The following BRIP1 variants were observed in gnomAD, a reference collection of about 807,000 sequenced individuals.
BRIP1 encodes Fanconi anemia group J protein.
A neutral mutation model predicts 119.7 loss-of-function variants in BRIP1; 88 were observed. That is an observed-to-expected ratio of 0.74 (90% CI 0.62 to 0.88). The LOEUF (loss-of-function observed/expected upper bound fraction) is 0.88. Among genes scored for constraint, BRIP1 ranks in the 40% least tolerant of loss-of-function variants. BRIP1 has a pLI of 0.00. For synonymous variants in BRIP1, 443 were observed against 496.5 expected (o/e 0.89, Z 1.43); for missense variants, 1,259 against 1,455.4 (o/e 0.87, Z 2.20).
rs1409476369 is a variant in BRIP1, at chr17:61,752,187, C to T, written c.2098-7596G>A. Among the ~76,000 whole-genome samples the T allele has an allele frequency of 6.6e-6, 1 of 152,098 alleles. No homozygotes were observed. Among genetic ancestry groups the T allele is most frequent in the South Asian group, 2.1e-4 (1 of 4,820 alleles). ...TTAGTTTTGTAGACTTATATACACA[C>T]ATATTTCACAAATATAAAATATAAA... On this transcript the variant is annotated intron_variant, in intron 14 of 19. Coordinates refer to ENST00000259008, the MANE Select transcript of BRIP1 (RefSeq NM_032043.3). This position sits in a 1 kb window ranked among gnomAD's most constrained non-coding sequence, Gnocchi z 6.2.
At chr17:61,786,818 A>G (rs2077718366) in intron 10 of BRIP1, among the ~76,000 whole-genome samples, 3 of 129,420 alleles carry the variant, frequency 2.3e-5, no homozygotes, top group Admixed American at 9.0e-5. Context: ...TATATTTTAT[A>G]TAAATATATT....
intron 17 of BRIP1, among the ~76,000 whole-genome samples, chr17:61,711,137 A>T (rs2061767140): frequency 6.6e-6 from 1 of 152,106 alleles, no homozygotes; most frequent in Non-Finnish European, 1.5e-5. Flanking sequence ...ACTGGAAGTG[A>T]TTGGTAGAAG....
intron 6 of BRIP1, among the ~76,000 whole-genome samples, chr17:61,821,413 T>C (rs780825946): frequency 5.9e-5 from 9 of 152,202 alleles, no homozygotes; most frequent in Admixed American, 1.3e-4. Flanking sequence ...TTTTTCTTTT[T>C]GATTCAGTTT....
In BRIP1 at chr17:61,700,792, C is replaced by T. The variant is rs114281513; in HGVS notation, c.2493-7280G>A. On this transcript the variant is annotated intron_variant, in intron 17 of 19. Transcript: ENST00000259008. This position sits in a 1 kb window ranked among gnomAD's most constrained non-coding sequence, Gnocchi z 4.1. ...GACTCCAAATATGCATATGTTGGTA[C>T]GCTTGATGAGGTTTTACAGGTCTCT... Among the ~76,000 whole-genome samples, 721 of 152,136 alleles carry T rather than the reference C, an allele frequency of 4.7e-3. 6 individuals are homozygous for T. Among genetic ancestry groups the T allele is most frequent in the African/African-American group, 0.016 (680 of 41,498 alleles).
intron 6 of BRIP1, among the ~76,000 whole-genome samples, chr17:61,813,626 T>G (rs963378675): frequency 1.3e-5 from 2 of 152,114 alleles, no homozygotes; most frequent in African/African-American, 2.4e-5. Context: ...AGAAAAACCA[T>G]CTTATGCTAG....
At position 61,703,439 on chromosome 17, in the gene BRIP1, G is replaced by A. The variant is rs571696749; in HGVS notation, c.2493-9927C>T. Among the ~76,000 whole-genome samples the A allele has an allele frequency of 6.6e-6, 1 of 152,180 alleles. No individual in the cohort carries two copies. Among genetic ancestry groups the A allele is most frequent in the Non-Finnish European group, 1.5e-5 (1 of 68,034 alleles). On this transcript the variant is annotated intron_variant, in intron 17 of 19. Transcript: ENST00000259008. This position sits in a 1 kb window ranked among gnomAD's most constrained non-coding sequence, Gnocchi z 5.0. ...TCATATGCTTCTTGGCCACATGCAT[G>A]TCTCCTTTTGAGAAATGTCTGTTCA...
chr17:61,808,546 TC>T lies in BRIP1; in HGVS notation c.838del (p.Asp280IlefsTer9). The T allele has an allele frequency of 6.2e-7, 1 of 1,613,612 alleles. No homozygotes were observed. Among genetic ancestry groups the T allele is most frequent in the South Asian group, 1.1e-5 (1 of 91,076 alleles). On this transcript the variant is annotated frameshift_variant, in exon 7 of 20. Coordinates refer to ENST00000259008, the MANE Select transcript of BRIP1 (RefSeq NM_032043.3). LOFTEE classifies it high-confidence loss of function. This position sits in a 1 kb window ranked among gnomAD's most constrained non-coding sequence, Gnocchi z 4.1. ...TACCTCAGGATGGACACAAGTATGA[TC>T]CCTGCTGGAAAGAATAGTCATTGGA... ...GVPMTILSSR[D>X]HTCVHPEVVG...
rs115123999 is a variant in BRIP1 at position 61,775,872 on chromosome 17, T to A, written c.2097+529A>T. 866 of 155,140 alleles carry A rather than the reference T, an allele frequency of 5.6e-3. 5 individuals are homozygous for A. The highest frequency in any genetic ancestry group is 0.02 in the African/African-American group (827 of 41,568). 9.6% of individuals were successfully genotyped at this position (155,140 alleles called of 1,614,324 possible). Reference sequence around the variant, plus strand: ...ATATAATTAACATTGCTTGAAGACTTTTATTCTTTCAGATTATTTTATTTT... The same window carrying A: ...ATATAATTAACATTGCTTGAAGACTATTATTCTTTCAGATTATTTTATTTT... On this transcript the variant is annotated intron_variant, in intron 14 of 19. Transcript: ENST00000259008. This position sits in a 1 kb window ranked among gnomAD's most constrained non-coding sequence, Gnocchi z 4.4.
At chr17:61,694,376 AAC>A (rs2061493078) in intron 17 of BRIP1, among the ~76,000 whole-genome samples, 1 of 152,174 alleles carries the variant, frequency 6.6e-6, no homozygotes, top group Non-Finnish European at 1.5e-5. Flanking sequence ...TATTTCACTG[AAC>A]ATGATGTTTT....
chr17:61,818,030 A>C lies in BRIP1; in HGVS notation c.628-9273T>G, dbSNP rs963884769. Among the ~76,000 whole-genome samples, 8 of 152,278 alleles carry C rather than the reference A, an allele frequency of 5.3e-5. No individual in the cohort carries two copies. The East Asian group carries it at 1.4e-3, about 26-fold the overall frequency. On this transcript the variant is annotated intron_variant, in intron 6 of 19. Transcript: ENST00000259008. ...AATCTAAATTTAATCTTGAAAATAA[A>C]TAAGTGAGAATAACCAAAACTTTTT...
chr17:61,692,458 A>G (rs2061461057), intron 18 of BRIP1, among the ~76,000 whole-genome samples: 2 of 152,164 alleles, frequency 1.3e-5, no homozygotes, highest in Admixed American at 1.3e-4. Flanking sequence ...CTATATCTCA[A>G]TAGAAAAAAC....
At position 61,697,194 on chromosome 17, in the gene BRIP1, G is replaced by A. The variant is rs1277394819; in HGVS notation, c.2493-3682C>T. ...CCCCGTCTCTTCTAAAAATGCAGCC[G>A]GGCATGGTGGCAGGCACCTGTAATC... On this transcript the variant is annotated intron_variant, in intron 17 of 19. Transcript: ENST00000259008. 4.7e-5 allele frequency among the ~76,000 whole-genome samples: 7 copies of A among 150,450 alleles called. No homozygotes were observed. In the East Asian group the frequency reaches 7.8e-4, roughly 17 times the overall value.
chr17:61,695,681 G>C lies in BRIP1; in HGVS notation c.2493-2169C>G, dbSNP rs1040831343. 2.0e-5 allele frequency among the ~76,000 whole-genome samples: 3 copies of C among 152,008 alleles called. No homozygotes were observed. The highest frequency in any genetic ancestry group is 2.9e-5 in the Non-Finnish European group (2 of 67,962). Reference sequence around the variant, plus strand: ...AATGTCTTGCAGTTTTCAGTATACAGATCTTTCATCTCCTTAGTTAAGTAT... The same window carrying C: ...AATGTCTTGCAGTTTTCAGTATACACATCTTTCATCTCCTTAGTTAAGTAT... On this transcript the variant is annotated intron_variant, in intron 17 of 19. Coordinates refer to ENST00000259008, the MANE Select transcript of BRIP1 (RefSeq NM_032043.3). The surrounding 1 kb of genome is among the most constrained non-coding windows in gnomAD (Gnocchi z 4.3).
chr17:61,717,131 TAC>T lies in BRIP1; in HGVS notation c.2380-1070_2380-1069del, dbSNP rs1232814852. 1.3e-5 allele frequency among the ~76,000 whole-genome samples: 2 copies of T among 152,098 alleles called. No individual in the cohort carries two copies. Among genetic ancestry groups the T allele is most frequent in the Non-Finnish European group, 2.9e-5 (2 of 67,938 alleles). On this transcript the variant is annotated intron_variant, in intron 16 of 19. Coordinates refer to ENST00000259008, the MANE Select transcript of BRIP1 (RefSeq NM_032043.3). This position sits in a 1 kb window ranked among gnomAD's most constrained non-coding sequence, Gnocchi z 4.1. ...ATTTACAGAAAAGTTCCAAAGATAGTACAGAGATTCCTTATACCCTTTACCCA... is the reference window on the plus strand; with the variant it reads ...ATTTACAGAAAAGTTCCAAAGATAGTAGAGATTCCTTATACCCTTTACCCA...
At position 61,724,921 on chromosome 17, in the gene BRIP1, G is replaced by A. The variant is rs568942858; in HGVS notation, c.2380-8858C>T. Among the ~76,000 whole-genome samples the A allele has an allele frequency of 6.6e-6, 1 of 152,294 alleles. No individual in the cohort carries two copies. Among genetic ancestry groups the A allele is most frequent in the Admixed American group, 6.5e-5 (1 of 15,292 alleles). ...AAACCAAATCTGGAAGACAGAGACT[G>A]TGCATTAGAGACATTTGCTGCTCCG... On this transcript the variant is annotated intron_variant, in intron 16 of 19. Transcript: ENST00000259008. The surrounding 1 kb of genome is among the most constrained non-coding windows in gnomAD (Gnocchi z 5.1).
rs1216543041 is a variant in BRIP1 at position 61,739,770 on chromosome 17, A to G, written c.2379+3243T>C. Among the ~76,000 whole-genome samples, 1 of 152,194 alleles carries G rather than the reference A, an allele frequency of 6.6e-6. No homozygotes were observed. Among genetic ancestry groups the G allele is most frequent in the Non-Finnish European group, 1.5e-5 (1 of 68,036 alleles). ...ATCAATAAGTCAGCTCAGTGGTCAG[A>G]AAATCTCAAATTTTCTCAGATTGCC... is the stretch of plus-strand genomic sequence containing the variant. On this transcript the variant is annotated intron_variant, in intron 16 of 19. Transcript: ENST00000259008. The surrounding 1 kb of genome is among the most constrained non-coding windows in gnomAD (Gnocchi z 6.0).
In BRIP1 at chr17:61,843,009, T is replaced by G. The variant is rs371951658; in HGVS notation, c.627+4092A>C. On this transcript the variant is annotated intron_variant, in intron 6 of 19. Coordinates refer to ENST00000259008, the MANE Select transcript of BRIP1 (RefSeq NM_032043.3). This position sits in a 1 kb window ranked among gnomAD's most constrained non-coding sequence, Gnocchi z 5.7. ...ATGAATAAAGAAAATGTGGTGTGTA[T>G]GTGTATGTCAATGGAATATTAGCCC... is the stretch of plus-strand genomic sequence containing the variant. Among the ~76,000 whole-genome samples the G allele has an allele frequency of 6.6e-6, 1 of 152,196 alleles. No individual in the cohort carries two copies. Among genetic ancestry groups the G allele is most frequent in the Non-Finnish European group, 1.5e-5 (1 of 68,038 alleles).
intron 17 of BRIP1, among the ~76,000 whole-genome samples, chr17:61,698,947 G>T (rs558587839): frequency 6.6e-6 from 1 of 152,098 alleles, no homozygotes; most frequent in Non-Finnish European, 1.5e-5. Flanking sequence ...GAACTCCTAA[G>T]CTCAAGCGAT....
chr17:61,783,532 GTAAAATGGT>G, intron 11 of BRIP1, among the ~76,000 whole-genome samples: 1 of 151,886 alleles, frequency 6.6e-6, no homozygotes, highest in South Asian at 2.1e-4. Flanking sequence ...AGTTGTATAC[GTAAAATGGT>G]TAAAATGGTG....
Sources: allele counts gnomAD v4.1 joint callset (sites outside exome capture counted in the v4.1 genomes callset), GRCh38; gene constraint gnomAD v4.1.1; non-coding constraint Gnocchi (gnomAD v3.1); transcripts MANE v1.5; gene names NCBI Gene and HGNC (gene_info 2026-07-23, HGNC 2026-07-21).